MYOM1: variants seen among roughly 807,000 people sequenced by gnomAD.
The protein encoded by MYOM1 is myomesin 1.
In MYOM1, 164 loss-of-function variants were observed where a neutral mutation model predicts 205.3. That is an observed-to-expected ratio of 0.80 (90% CI 0.70 to 0.91). The LOEUF is 0.91. Among genes scored for constraint, MYOM1 ranks in the 40% least tolerant of loss-of-function variants. The pLI is 0.00. For missense variants in MYOM1, 2,011 were observed against 2,127.3 expected, an observed-to-expected ratio of 0.95 and a Z score of 1.08; for synonymous variants, 772 against 789.4, an observed-to-expected ratio of 0.98 and a Z score of 0.37.
intron 37 of MYOM1, among the ~76,000 whole-genome samples, chr18:3,070,777 C>T (rs28583581): frequency 0.027 from 3,433 of 127,682 alleles, 80 homozygotes; most frequent in African/African-American, 0.055. Flanking sequence ...TGTGTGTGCA[C>T]GTGTGTGTGT....
At chr18:3,144,353 A>C (rs1312414690) in intron 13 of MYOM1, among the ~76,000 whole-genome samples, 1 of 152,198 alleles carries the variant, frequency 6.6e-6, no homozygotes, top group Non-Finnish European at 1.5e-5. Flanking sequence ...CCAACAAGAG[A>C]ATACAGATAA....
At chr18:3,110,688 A>C (rs1225031860) in intron 22 of MYOM1, among the ~76,000 whole-genome samples, 2 of 152,136 alleles carry the variant, frequency 1.3e-5, no homozygotes, top group Non-Finnish European at 2.9e-5. Context: ...GTAAACAAAC[A>C]AACAGCAATA....
chr18:3,195,130 T>C (rs992164605), intron 2 of MYOM1, among the ~76,000 whole-genome samples: 3 of 152,100 alleles, frequency 2.0e-5, no homozygotes, highest in Non-Finnish European at 4.4e-5. Flanking sequence ...GCCAAGCACA[T>C]ACATGGTACA....
intron 11 of MYOM1, among the ~76,000 whole-genome samples, chr18:3,153,986 A>C (rs2080256337): frequency 6.6e-6 from 1 of 152,194 alleles, no homozygotes; most frequent in African/African-American, 2.4e-5. Flanking sequence ...AGAGCCTCTA[A>C]GTTTTGGAGA....
chr18:3,174,091 T>A, intron 7 of MYOM1, 29 bp downstream of exon 7: 1 of 1,578,734 alleles, frequency 6.3e-7, no homozygotes, highest in Non-Finnish European at 8.7e-7. Flanking sequence ...ACACACACAC[T>A]TTGAAGAAAA....
At chr18:3,214,200 A>G (rs991069696) in intron 2 of MYOM1, among the ~76,000 whole-genome samples, 8 of 152,204 alleles carry the variant, frequency 5.3e-5, no homozygotes. Flanking sequence ...ATATCTTCGC[A>G]GTAGTTCAGT....
intron 13 of MYOM1, among the ~76,000 whole-genome samples, chr18:3,147,993 C>T (rs1259443712): frequency 1.3e-5 from 2 of 152,110 alleles, no homozygotes; most frequent in African/African-American, 4.8e-5. Context: ...AAAAGATGCT[C>T]GACATTATGA....
intron 2 of MYOM1, 80 bp downstream of exon 2, chr18:3,214,854 G>T: frequency 6.9e-7 from 1 of 1,451,026 alleles, no homozygotes. Context: ...CCGAAACAAA[G>T]CGAGAAGTAA....
intron 6 of MYOM1, among the ~76,000 whole-genome samples, chr18:3,174,990 A>G (rs898489377): frequency 6.6e-6 from 1 of 152,056 alleles, no homozygotes; most frequent in African/African-American, 2.4e-5. Context: ...ATGTCTTATC[A>G]TTACCAGTTT....
chr18:3,147,414 T>C (rs962321569), intron 13 of MYOM1, among the ~76,000 whole-genome samples: 1 of 151,982 alleles, frequency 6.6e-6, no homozygotes, highest in Non-Finnish European at 1.5e-5. Context: ...TGTTCATAAA[T>C]CAAAGGACTC....
At chr18:3,150,037 G>A (rs8091907) in intron 12 of MYOM1, among the ~76,000 whole-genome samples, 69,202 of 151,880 alleles carry the variant, frequency 0.46, 16,027 homozygotes, top group Admixed American at 0.54. Context: ...GATGAGACAC[G>A]GTTGCCGGGG....
chr18:3,091,169 A>C, intron 26 of MYOM1, among the ~76,000 whole-genome samples: 1 of 152,026 alleles, frequency 6.6e-6, no homozygotes, highest in East Asian at 1.9e-4. Context: ...CACAAAAATT[A>C]GCCTGGTGTG....
At position 3,155,052 on chromosome 18, in the gene MYOM1, G is replaced by A. The variant is rs2080276328; in HGVS notation, c.1538C>T (p.Pro513Leu). 1 of 1,613,178 alleles carries A rather than the reference G, an allele frequency of 6.2e-7. No individual in the cohort carries two copies. The highest frequency in any genetic ancestry group is 8.5e-7 in the Non-Finnish European group (1 of 1,179,564). Residue 513 changes from proline (P) to leucine (L), a missense_variant, in exon 11 of 38, where the codon CCC becomes CTC. By Grantham distance (98) the Pro-to-Leu change is moderately conservative. Coordinates refer to ENST00000356443, the MANE Select transcript of MYOM1 (RefSeq NM_003803.4). ...DAEIEGAPAA[P>L]LDVKCLEANK... ...GGCCTCCAAGCACTTCACATCCAAGGGAGCAGCTGGGGCTCCTTCAATCTC... is the reference window on the plus strand; with the variant it reads ...GGCCTCCAAGCACTTCACATCCAAGAGAGCAGCTGGGGCTCCTTCAATCTC...
chr18:3,167,012 C>T (rs1179645337), intron 9 of MYOM1, among the ~76,000 whole-genome samples: 3 of 152,188 alleles, frequency 2.0e-5, no homozygotes, highest in Non-Finnish European at 4.4e-5. Flanking sequence ...TAGGAGCTAG[C>T]ATGGGCCTCG....
chr18:3,136,213 A>C (rs1032285252), intron 14 of MYOM1, among the ~76,000 whole-genome samples: 1 of 152,068 alleles, frequency 6.6e-6, no homozygotes, highest in Non-Finnish European at 1.5e-5. Flanking sequence ...GAGTCCATTA[A>C]ACCTCTTTTT....
chr18:3,242,139 C>T, the MYOM1 span, among the ~76,000 whole-genome samples: 1 of 152,108 alleles, frequency 6.6e-6, no homozygotes, highest in Non-Finnish European at 1.5e-5. Context: ...CTTTGGGGGG[C>T]TGCTGGGAAG....
At chr18:3,220,965 C>T (rs1387631014), upstream of MYOM1, among the ~76,000 whole-genome samples, 3 of 152,154 alleles carry the variant, frequency 2.0e-5, no homozygotes, top group African/African-American at 4.8e-5. Context: ...GATCTACTGG[C>T]CTTATGTTCT....
chr18:3,130,563 T>G (rs576854124), intron 17 of MYOM1, among the ~76,000 whole-genome samples: 6 of 152,270 alleles, frequency 3.9e-5, no homozygotes, highest in African/African-American at 1.4e-4. Context: ...GTGATCCACG[T>G]GCCTCAGCCT....
chr18:3,095,326 G>A (rs2051855703), intron 25 of MYOM1, among the ~76,000 whole-genome samples: 2 of 152,016 alleles, frequency 1.3e-5, no homozygotes, highest in Non-Finnish European at 2.9e-5. Context: ...CCTAATACTT[G>A]GGGAGGCCGA....
Sources: gnomAD v4.1 joint callset for allele counts (sites outside exome capture counted in the v4.1 genomes callset) on GRCh38, gnomAD v4.1.1 for gene constraint, MANE v1.5 for transcripts, NCBI Gene and HGNC (gene_info 2026-07-23, HGNC 2026-07-21) for gene names.